Variants in SNED1 observed in about 807,000 individuals in gnomAD.
SNED1 encodes the protein sushi, nidogen and EGF like domains 1.
Under a neutral mutation model 166.7 loss-of-function variants are expected in SNED1, and 81 were observed. The ratio of observed to expected loss-of-function variants is 0.49; its 90% CI spans 0.41 to 0.58. SNED1 has a LOEUF of 0.58. Among genes scored for constraint, SNED1 ranks in the 20% least tolerant of loss-of-function variants. SNED1 has a pLI of 0.00. For missense variants in SNED1, 1,604 were observed against 2,000.2 expected (o/e 0.80, Z 3.78); for synonymous variants, 762 against 822.0 (o/e 0.93, Z 1.25).
chr2:241,070,093 G>T lies in SNED1; in HGVS notation c.3481G>T (p.Val1161Leu), dbSNP rs2062632711. 3.7e-6 allele frequency: 6 copies of T among 1,613,050 alleles called. No individual in the cohort carries two copies. Among genetic ancestry groups the T allele is most frequent in the African/African-American group, 2.7e-5 (2 of 75,078 alleles). The change falls in exon 24 of 32, where the codon GTG becomes TTG. Residue 1161 changes from valine (V) to leucine (L), a missense_variant. Coordinates refer to ENST00000310397, the MANE Select transcript of SNED1 (RefSeq NM_001080437.3). ...VPNGKLASYTVRDLLPGRRYQ... is the reference protein window; with the variant it reads ...VPNGKLASYTLRDLLPGRRYQ... ...CAACGGGAAGCTGGCGTCCTACACG[G>T]TGCGCGACCTGCTGCCGGGACGGCG...
chr2:241,042,585 A>T (rs2125051949), intron 8 of SNED1, among the ~76,000 whole-genome samples: 1 of 152,372 alleles, frequency 6.6e-6, no homozygotes, highest in East Asian at 1.9e-4. Flanking sequence ...AAATGACAGA[A>T]TTAGCAGATA....
chr2:241,036,651 G>T (rs1027617628), intron 4 of SNED1, 139 bp from the exon 5 acceptor site: 1 of 1,095,922 alleles, frequency 9.1e-7, no homozygotes, highest in African/African-American at 1.5e-5. Context: ...CTGAAACCTG[G>T]CTGCTTTGCT....
intron 31 of SNED1, chr2:241,088,630 GA>G: frequency 3.6e-6 from 2 of 553,822 alleles, no homozygotes; most frequent in Middle Eastern, 4.7e-4. Context: ...CCTTCAGGTG[GA>G]AATGAGGCTC....
intron 1 of SNED1, among the ~76,000 whole-genome samples, chr2:241,022,119 T>C (rs1045571479): frequency 6.6e-6 from 1 of 152,264 alleles, no homozygotes; most frequent in Non-Finnish European, 1.5e-5. Flanking sequence ...TTATATCTTC[T>C]AGATATATAT....
In SNED1 at chr2:241,090,952, C is replaced by T. The variant is rs561602684; in HGVS notation, c.*2-686C>T. On this transcript the variant is annotated intron_variant, in intron 31 of 31. Transcript: ENST00000310397. Reference sequence around the variant, plus strand: ...GTAATCTCATGGGACCACTGTCATGCGCGCGGTCCTTCATCGTGCAGTGCC... The same window carrying T: ...GTAATCTCATGGGACCACTGTCATGTGCGCGGTCCTTCATCGTGCAGTGCC... 6.6e-5 allele frequency among the ~76,000 whole-genome samples: 10 copies of T among 152,034 alleles called. No individual in the cohort carries two copies. In the South Asian group the frequency reaches 1.9e-3, roughly 28 times the overall value.
chr2:241,011,440 C>T (rs985941375), intron 1 of SNED1, among the ~76,000 whole-genome samples: 1 of 152,110 alleles, frequency 6.6e-6, no homozygotes, highest in South Asian at 2.1e-4. Flanking sequence ...TCTGAGGTGC[C>T]AGCGCTGGGC....
chr2:240,997,678 G>A (rs1425596748), upstream of SNED1, among the ~76,000 whole-genome samples: 1 of 152,228 alleles, frequency 6.6e-6, no homozygotes, highest in Non-Finnish European at 1.5e-5. Context: ...CATCAGCCCG[G>A]CCTTTCCTGC....
At chr2:241,022,544 T>C (rs950903895) in intron 1 of SNED1, among the ~76,000 whole-genome samples, 2 of 152,162 alleles carry the variant, frequency 1.3e-5, no homozygotes, top group Admixed American at 6.6e-5. Context: ...TCAGTTGGCC[T>C]TGTTTCCAGC....
chr2:241,083,308 G>C (rs1338326225), intron 29 of SNED1, among the ~76,000 whole-genome samples: 1 of 152,180 alleles, frequency 6.6e-6, no homozygotes, highest in Non-Finnish European at 1.5e-5. Context: ...GGGAGAAGTG[G>C]AGAGTGGTGA....
intron 21 of SNED1, among the ~76,000 whole-genome samples, chr2:241,067,159 G>C (rs755067321): frequency 3.3e-5 from 5 of 152,200 alleles, no homozygotes; most frequent in Non-Finnish European, 7.3e-5. Context: ...AGCCAGCCAT[G>C]GTGGGTGGAA....
chr2:241,020,408 A>G (rs1306724917), intron 1 of SNED1, among the ~76,000 whole-genome samples: 1 of 152,190 alleles, frequency 6.6e-6, no homozygotes, highest in African/African-American at 2.4e-5. Context: ...CCATCCTTGA[A>G]CCAGGCCCAG....
At chr2:241,078,891 A>G (rs914048953) in intron 27 of SNED1, among the ~76,000 whole-genome samples, 1 of 151,924 alleles carries the variant, frequency 6.6e-6, no homozygotes, top group African/African-American at 2.4e-5. Context: ...AGGCAGGTGG[A>G]TCACTTGAGG....
chr2:241,034,774 A>G (rs1265199019), intron 4 of SNED1, 44 bp downstream of exon 4: 1 of 1,491,188 alleles, frequency 6.7e-7, no homozygotes, highest in East Asian at 2.6e-5. Flanking sequence ...CGGGCTGAGG[A>G]AGGGGGTTGA....
chr2:241,065,255 C>A (rs111973019), intron 20 of SNED1, 44 bp from the exon 21 acceptor site: 2 of 1,603,314 alleles, frequency 1.2e-6, no homozygotes, highest in African/African-American at 1.3e-5. Context: ...GCATAGCTAA[C>A]GGCTGACCAG....
At chr2:241,050,499 C>T (rs935033854) in intron 12 of SNED1, among the ~76,000 whole-genome samples, 5 of 152,160 alleles carry the variant, frequency 3.3e-5, no homozygotes, top group Non-Finnish European at 5.9e-5. Context: ...CTGGCACCCT[C>T]TCCAGGGGCT....
intron 27 of SNED1, chr2:241,074,574 T>A (rs999241939): frequency 1.3e-5 from 2 of 152,148 alleles, no homozygotes; most frequent in Admixed American, 6.5e-5. Flanking sequence ...CAGGAGAGAT[T>A]CAAGATGACC....
intron 1 of SNED1, among the ~76,000 whole-genome samples, chr2:241,025,770 T>C (rs191187143): frequency 5.1e-4 from 78 of 152,310 alleles, no homozygotes; most frequent in African/African-American, 1.8e-3. Context: ...TGTTTTCTTT[T>C]AGCACGTTGA....
rs764650448 is a variant in SNED1, at chr2:241,040,083, C to T, written c.1054C>T (p.Pro352Ser). 1.6e-4 allele frequency: 258 copies of T among 1,581,624 alleles called. No individual in the cohort carries two copies. The highest frequency in any genetic ancestry group is 2.1e-4 in the Non-Finnish European group (246 of 1,163,524). ...GGPTCETAQS[P>S]CDTKECQHGG... ...ACACCTCCTCACTCTAGCCCAATCC[C>T]CCTGTGACACCAAAGAGTGTCAACA... Residue 352 changes from proline (P) to serine (S), a missense_variant, in exon 7 of 32, where the codon CCC becomes TCC. Coordinates refer to ENST00000310397, the MANE Select transcript of SNED1 (RefSeq NM_001080437.3).
chr2:241,024,652 C>CTTATTTTATCTTATTTTATT (rs2060893441), intron 1 of SNED1, among the ~76,000 whole-genome samples: 4 of 139,540 alleles, frequency 2.9e-5, no homozygotes, highest in African/African-American at 8.3e-5. Flanking sequence ...CTTATTTTAT[C>CTTATTTTATCTTATTTTATT]TTATTTTATT....
Sources: gnomAD v4.1 joint callset for allele counts (sites outside exome capture counted in the v4.1 genomes callset) on GRCh38, gnomAD v4.1.1 for gene constraint, MANE v1.5 for transcripts, NCBI Gene and HGNC (gene_info 2026-07-23, HGNC 2026-07-21) for gene names.